The following PAK6 variants were observed in gnomAD, a reference collection of about 807,000 sequenced individuals.
PAK6 encodes serine/threonine-protein kinase PAK 6.
Under a neutral mutation model 60.8 loss-of-function variants are expected in PAK6, and 33 were observed. The observed-to-expected ratio is 0.54, with a 90% CI of 0.41 to 0.73. PAK6 has a LOEUF of 0.73. PAK6 is among the 30% of genes least tolerant of loss of function. The probability of loss-of-function intolerance (pLI) is 0.00; values close to 1 mark genes in which losing one functional copy is unlikely to be tolerated. For missense variants in PAK6, 845 were observed against 904.1 expected (o/e 0.93, Z 0.84); for synonymous variants, 404 against 378.5 (o/e 1.07, Z -0.78).
chr15:40,269,697 G>T (rs2039247618), intron 5 of PAK6, among the ~76,000 whole-genome samples: 1 of 152,174 alleles, frequency 6.6e-6, no homozygotes, highest in African/African-American at 2.4e-5. Flanking sequence ...TGAAGACCAA[G>T]CCAGCTCCCC....
intron 5 of PAK6, among the ~76,000 whole-genome samples, chr15:40,271,962 T>G (rs2039315775): frequency 6.6e-6 from 1 of 152,220 alleles, no homozygotes; most frequent in South Asian, 2.1e-4. Flanking sequence ...CTTCTCTGTC[T>G]TCCCAGGTGC....
intron 3 of PAK6, chr15:40,256,725 T>C (rs1375674517): frequency 4.6e-5 from 7 of 152,238 alleles, no homozygotes; most frequent in Admixed American, 4.6e-4. Context: ...ATGAGTCACT[T>C]AGTCTCTCCT....
chr15:40,255,743 C>CGAGGGGACA (rs1376625291), intron 3 of PAK6, among the ~76,000 whole-genome samples: 1 of 152,116 alleles, frequency 6.6e-6, no homozygotes, highest in Non-Finnish European at 1.5e-5. Flanking sequence ...CAAGGATCAG[C>CGAGGGGACA]GAGGGGACAG....
At chr15:40,247,701 G>A (rs895073412) in intron 2 of PAK6, among the ~76,000 whole-genome samples, 3 of 152,162 alleles carry the variant, frequency 2.0e-5, no homozygotes, top group East Asian at 1.9e-4. Flanking sequence ...GCAGCCGGGC[G>A]GGGACCCATG....
chr15:40,256,333 T>C (rs879483062), intron 3 of PAK6, among the ~76,000 whole-genome samples: 3 of 152,200 alleles, frequency 2.0e-5, no homozygotes, highest in Admixed American at 1.3e-4. Flanking sequence ...TTCGCGGTAA[T>C]TCTCAGCCAA....
intron 3 of PAK6, among the ~76,000 whole-genome samples, chr15:40,263,239 C>T (rs1293466824): frequency 6.6e-6 from 1 of 152,212 alleles, no homozygotes; most frequent in Non-Finnish European, 1.5e-5. Context: ...TCCAGATCTT[C>T]GGGCGGATGA....
At chr15:40,266,172 T>A in exon 5 of PAK6, 1 of 1,609,088 alleles carries the variant, frequency 6.2e-7, no homozygotes, top group Non-Finnish European at 8.5e-7. Context: ...AAAGGCACAG[T>A]CCCTGGGCCC....
chr15:40,256,322 G>A (rs1052275761), intron 3 of PAK6, among the ~76,000 whole-genome samples: 5 of 152,210 alleles, frequency 3.3e-5, no homozygotes, highest in Non-Finnish European at 7.3e-5. Context: ...GCTGTCTTCT[G>A]TTCGCGGTAA....
chr15:40,259,253 T>TC (rs1231004151), intron 3 of PAK6: 2 of 152,272 alleles, frequency 1.3e-5, no homozygotes, highest in Admixed American at 6.5e-5. Context: ...GCCACCTCCC[T>TC]CAGCCCAGTG....
chr15:40,276,185 C>T, exon 11 of PAK6: 1 of 1,203,072 alleles, frequency 8.3e-7, no homozygotes, highest in Non-Finnish European at 1.2e-6. Context: ...CTCCTCCTCT[C>T]AGTATTCTCT....
intron 3 of PAK6, chr15:40,263,764 G>GCC (rs1244416748): frequency 2.6e-6 from 1 of 383,504 alleles, no homozygotes; most frequent in African/African-American, 2.1e-5. Context: ...ACAGGCACGT[G>GCC]CCACCAGGCC....
At chr15:40,243,542 GTGA>G (rs1400985851) in intron 2 of PAK6, among the ~76,000 whole-genome samples, 24 of 152,186 alleles carry the variant, frequency 1.6e-4, no homozygotes, top group Admixed American at 1.3e-4. Flanking sequence ...TATTATCACC[GTGA>G]TGATAACTGG....
At chr15:40,255,675 G>A (rs1352752112) in intron 3 of PAK6, among the ~76,000 whole-genome samples, 1 of 152,226 alleles carries the variant, frequency 6.6e-6, no homozygotes, top group East Asian at 1.9e-4. Context: ...GTGAAGAGGA[G>A]CAGATGGCAG....
At chr15:40,266,937 T>C in intron 5 of PAK6, 1 of 160,780 alleles carries the variant, frequency 6.2e-6, no homozygotes, top group African/African-American at 2.4e-5. Context: ...TCCAGCATCC[T>C]GTTGATAGTG....
chr15:40,253,754 T>A (rs1367466944), intron 3 of PAK6, among the ~76,000 whole-genome samples: 1 of 152,192 alleles, frequency 6.6e-6, no homozygotes, highest in Non-Finnish European at 1.5e-5. Context: ...CCACCGCTCA[T>A]TCCCCAGATC....
At chr15:40,257,920 A>AC (rs965096865) in intron 3 of PAK6, among the ~76,000 whole-genome samples, 3 of 149,514 alleles carry the variant, frequency 2.0e-5, no homozygotes, top group Admixed American at 1.3e-4. Context: ...AAACTTACTC[A>AC]CCCCCTCCTC....
chr15:40,261,511 C>T (rs896243268), intron 3 of PAK6, among the ~76,000 whole-genome samples: 4 of 151,936 alleles, frequency 2.6e-5, no homozygotes, highest in African/African-American at 9.7e-5. Context: ...CACTCCAGCC[C>T]GGGCAAGACA....
intron 3 of PAK6, chr15:40,259,820 T>G (rs1280946281): frequency 1.3e-5 from 2 of 151,662 alleles, no homozygotes; most frequent in Non-Finnish European, 2.9e-5. Flanking sequence ...ATTGTTTTTT[T>G]TTAGAGAAGC....
At chr15:40,249,459 AG>A (rs2140950118) in intron 2 of PAK6, among the ~76,000 whole-genome samples, 1 of 152,344 alleles carries the variant, frequency 6.6e-6, no homozygotes, top group Non-Finnish European at 1.5e-5. Context: ...GTGAAGACTA[AG>A]GGAGGTAGCA....
Sources: allele counts gnomAD v4.1 joint callset (sites outside exome capture counted in the v4.1 genomes callset), GRCh38; gene constraint gnomAD v4.1.1; transcripts MANE v1.5; gene names NCBI Gene and HGNC (gene_info 2026-07-23, HGNC 2026-07-21).